Variants in HEATR1 observed in about 807,000 individuals in gnomAD.
HEATR1 encodes HEAT repeat containing 1.
HEATR1 carries 77 observed loss-of-function variants against 248.2 expected under a neutral mutation model. That is an observed-to-expected ratio of 0.31 (90% CI 0.26 to 0.37). The LOEUF (loss-of-function observed/expected upper bound fraction) is 0.37, where lower values mean the gene tolerates loss of function less well. Among genes scored for constraint, HEATR1 ranks in the 10% least tolerant of loss-of-function variants. The pLI is 1.00. For synonymous variants in HEATR1, 897 were observed against 923.1 expected (o/e 0.97, Z 0.51); for missense variants, 2,420 against 2,504.9 (o/e 0.97, Z 0.72).
At chr1:236,592,804 A>C (rs1466467266) in intron 9 of HEATR1, among the ~76,000 whole-genome samples, 171 bp from the exon 10 acceptor site, 1 of 152,212 alleles carries the variant, frequency 6.6e-6, no homozygotes, top group Non-Finnish European at 1.5e-5. Context: ...GTAGTGGTTC[A>C]CACCACTGGC....
Position 236,555,219 on chromosome 1 carries a change from ACTAGG to A in HEATR1, c.5923+72_5923+76del. 11 of 1,460,600 alleles carry A rather than the reference ACTAGG, an allele frequency of 7.5e-6. No homozygotes were observed. In the South Asian group the frequency reaches 1.3e-4, roughly 17 times the overall value. The allele number at this position is 1,460,600 out of a possible 1,614,324, so 90.5% of individuals were successfully genotyped here. ...AACCTCTAAAATCTTGCTTCCAAGC[ACTAGG>A]TTGTGTCTTACTGGTACCTTGTATA... On this transcript the variant is annotated intron_variant, in intron 41 of 44. Coordinates refer to ENST00000366582, the MANE Select transcript of HEATR1 (RefSeq NM_018072.6).
intron 3 of HEATR1, among the ~76,000 whole-genome samples, chr1:236,602,006 G>GT (rs1664338859): frequency 6.6e-6 from 1 of 151,924 alleles, no homozygotes; most frequent in African/African-American, 2.4e-5. Context: ...GGGCGTAGTG[G>GT]TATGTGCCTG....
Position 236,582,461 on chromosome 1 carries a change from G to A in HEATR1, c.2562+275C>T, listed in dbSNP as rs553470559. ...CTTGTCACCCAGGCTGGAGTACGGT[G>A]GTGTGATCTCGGCTCACTGCAACCT... On this transcript the variant is annotated intron_variant, in intron 19 of 44. Coordinates refer to ENST00000366582, the MANE Select transcript of HEATR1 (RefSeq NM_018072.6). Among the ~76,000 whole-genome samples, 96 of 151,740 alleles carry A rather than the reference G, an allele frequency of 6.3e-4. 3 individuals are homozygous for A. In the South Asian group the frequency reaches 0.018, roughly 28 times the overall value.
At chr1:236,603,484 G>A (rs1255050791) in intron 2 of HEATR1, 108 bp from the exon 3 acceptor site, 5 of 792,926 alleles carry the variant, frequency 6.3e-6, no homozygotes, top group Non-Finnish European at 1.0e-5. Flanking sequence ...AATTCTTTAA[G>A]TACATATAAT....
At chr1:236,567,708 T>TCAAA (rs35327342) in intron 29 of HEATR1, among the ~76,000 whole-genome samples, 103,667 of 151,414 alleles carry the variant, frequency 0.68, 35,782 homozygotes, top group Non-Finnish European at 0.72. Context: ...AAACTCTGTC[T>TCAAA]CAAACAAACA....
chr1:236,555,473 A>T lies in HEATR1; in HGVS notation c.5755-9T>A. The T allele has an allele frequency of 6.2e-7, 1 of 1,614,226 alleles. No homozygotes were observed. Among genetic ancestry groups the T allele is most frequent in the Non-Finnish European group, 8.5e-7 (1 of 1,180,040 alleles). ...TTAGCCCAATCAAACAGCTGAAAGGATAAGACAGTATTAGTTTCTTCGACA... is the reference window on the plus strand; with the variant it reads ...TTAGCCCAATCAAACAGCTGAAAGGTTAAGACAGTATTAGTTTCTTCGACA... On this transcript the variant is annotated splice_polypyrimidine_tract_variant and intron_variant, in intron 40 of 44. Coordinates refer to ENST00000366582, the MANE Select transcript of HEATR1 (RefSeq NM_018072.6).
At chr1:236,599,377 G>T (rs1490578922) in intron 4 of HEATR1, 106 bp downstream of exon 4, 5 of 727,732 alleles carry the variant, frequency 6.9e-6, no homozygotes, top group African/African-American at 1.8e-5. Flanking sequence ...AATGATGGAG[G>T]TAGTTATCTG....
At chr1:236,580,484 T>G (rs1165917960) in intron 20 of HEATR1, among the ~76,000 whole-genome samples, 1 of 151,626 alleles carries the variant, frequency 6.6e-6, no homozygotes, top group Non-Finnish European at 1.5e-5. Context: ...AAGCAATACT[T>G]AGAAGTGACC....
intron 28 of HEATR1, among the ~76,000 whole-genome samples, chr1:236,571,134 G>GT (rs1313104747): frequency 2.0e-5 from 3 of 152,152 alleles, no homozygotes; most frequent in Admixed American, 2.0e-4. Context: ...AGTGAAGAAG[G>GT]TTATTATTCC....
At chr1:236,603,496 T>C in intron 2 of HEATR1, 120 bp from the exon 3 acceptor site, 1 of 714,084 alleles carries the variant, frequency 1.4e-6, no homozygotes, top group South Asian at 1.8e-5. Context: ...ACATATAATT[T>C]ATAATACAGT....
rs141641416 is a variant in HEATR1, at chr1:236,559,819, G to A, written c.4665C>T (p.Leu1555=). 8.6e-5 allele frequency: 138 copies of A among 1,609,320 alleles called. No individual in the cohort carries two copies. In the Middle Eastern group the frequency reaches 9.9e-4, roughly 12 times the overall value. The change falls in exon 34 of 45, where the codon CTC becomes CTT. Residue 1555 remains leucine, a synonymous_variant. Transcript: ENST00000366582. ...ACTGTGCAACTGCACTGATATAGCC[G>A]AGAACGGTCTCCAGCAACCTGAAAC... ...GLEERLLETV[L]GYISAVAQSM...
intron 29 of HEATR1, among the ~76,000 whole-genome samples, chr1:236,567,801 T>G (rs1474527952): frequency 6.6e-6 from 1 of 152,212 alleles, no homozygotes; most frequent in African/African-American, 2.4e-5. Context: ...CAAGTCTGCT[T>G]AGACTGCCTG....
chr1:236,571,757 A>C (rs1197540304), intron 26 of HEATR1, 71 bp from the exon 27 acceptor site: 4 of 1,105,462 alleles, frequency 3.6e-6, no homozygotes, highest in African/African-American at 3.1e-5. Flanking sequence ...ATTAATGGCC[A>C]TTGTCCAGAA....
rs766769377 is a variant in HEATR1, at chr1:236,595,762, C to CA, written c.956+70dup. On this transcript the variant is annotated intron_variant, in intron 7 of 44. Transcript: ENST00000366582. ...AGAAAATATATAATCACTTATCTTA[C>CA]AAAAAAAAATTATTCAAAATAATTT... 7.2e-4 allele frequency: 1,042 copies of CA among 1,443,868 alleles called. 1 individual carries two copies. The highest frequency in any genetic ancestry group is 1.1e-3 in the African/African-American group (80 of 69,810). 89.4% of individuals were successfully genotyped at this position (1,443,868 alleles called of 1,614,324 possible).
In HEATR1 at chr1:236,596,858, T is replaced by C; in HGVS notation, c.722A>G (p.Lys241Arg). The C allele has an allele frequency of 6.2e-7, 1 of 1,613,592 alleles. No homozygotes were observed. The highest frequency in any genetic ancestry group is 8.5e-7 in the Non-Finnish European group (1 of 1,179,784). Reference sequence around the variant, plus strand: ...AACCTTTTGGATATAGGGAAATAGTTTGGCGATGATATTGTCTGATACGTC... The same window carrying C: ...AACCTTTTGGATATAGGGAAATAGTCTGGCGATGATATTGTCTGATACGTC... ...AEDVSDNIIA[K>R]LFPYIQKGLK... is the part of the protein sequence containing the mutation. The change falls in exon 6 of 45, where the codon AAA (lysine) becomes AGA (arginine). Residue 241 changes from lysine (K) to arginine (R), a missense_variant. Coordinates refer to ENST00000366582, the MANE Select transcript of HEATR1 (RefSeq NM_018072.6).
In HEATR1 at chr1:236,586,312, A is replaced by T. The variant is rs1311564088; in HGVS notation, c.1856T>A (p.Met619Lys). 6.2e-7 allele frequency: 1 copy of T among 1,613,504 alleles called. No homozygotes were observed. The highest frequency in any genetic ancestry group is 8.5e-7 in the Non-Finnish European group (1 of 1,179,634). The change falls in exon 15 of 45, where the codon ATG becomes AAG. Residue 619 changes from methionine (M) to lysine (K), a missense_variant. Physicochemically the swap from Met to Lys is moderately conservative, Grantham distance 95 (BLOSUM62 -1). Transcript: ENST00000366582. ...TTTTGATAAATATATAGCAATTTTC[A>T]TCTCAGCAGATTCCGTATCATCATT... ...INNDDTESAE[M>K]KIAIYLSKSG... is the part of the protein sequence containing the mutation.
chr1:236,559,927 A>G lies in HEATR1; in HGVS notation c.4647-90T>C, dbSNP rs552793278. The G allele has an allele frequency of 3.0e-6, 4 of 1,325,224 alleles. No individual in the cohort carries two copies. In the South Asian group the frequency reaches 6.2e-5, roughly 21 times the overall value. 82.1% of individuals were successfully genotyped at this position (1,325,224 alleles called of 1,614,324 possible). On this transcript the variant is annotated intron_variant, in intron 33 of 44. Coordinates refer to ENST00000366582, the MANE Select transcript of HEATR1 (RefSeq NM_018072.6). ...ACCTTATGCTAAATGTTTCAAGTAG[A>G]AAGACGAGTTAAATAATTCTGTACT...
At chr1:236,551,844 C>T (rs1278195044) in intron 44 of HEATR1, 155 bp downstream of exon 44, 10 of 585,036 alleles carry the variant, frequency 1.7e-5, no homozygotes, top group Non-Finnish European at 2.7e-5. Flanking sequence ...GAGCTCGAGC[C>T]TGCCTGTATT....
Position 236,566,808 on chromosome 1 carries a change from TAC to T in HEATR1, c.4144_4145del (p.Val1382IlefsTer22). On this transcript the variant is annotated frameshift_variant, in exon 30 of 45. Transcript: ENST00000366582. LOFTEE classifies it high-confidence loss of function. ...VEEIVVKIIS[V>X]FVDALPHVPE... Reference sequence around the variant, plus strand: ...GGACGTGTGGCAGCGCATCCACAAATACACTAATGATTTTTACCACAATCTCT... The same window carrying T: ...GGACGTGTGGCAGCGCATCCACAAATACTAATGATTTTTACCACAATCTCT... 1.9e-6 allele frequency: 3 copies of T among 1,614,094 alleles called. No individual in the cohort carries two copies. Among genetic ancestry groups the T allele is most frequent in the Non-Finnish European group, 2.5e-6 (3 of 1,180,018 alleles).
Sources: gnomAD v4.1 joint callset for allele counts (sites outside exome capture counted in the v4.1 genomes callset) on GRCh38, gnomAD v4.1.1 for gene constraint, MANE v1.5 for transcripts, NCBI Gene and HGNC (gene_info 2026-07-23, HGNC 2026-07-21) for gene names.